Variants in VWA8 observed in about 807,000 individuals in gnomAD.
VWA8 encodes von Willebrand factor A domain containing 8.
Under a neutral mutation model 241.5 loss-of-function variants are expected in VWA8, and 221 were observed. That is an observed-to-expected ratio of 0.91 (90% CI 0.82 to 1.02). The LOEUF (loss-of-function observed/expected upper bound fraction) is 1.02, where lower values mean the gene tolerates loss of function less well. VWA8 is among the 50% of genes least tolerant of loss of function. The pLI is 0.00. For synonymous variants in VWA8, 852 were observed against 827.1 expected, an observed-to-expected ratio of 1.03 and a Z score of -0.52; for missense variants, 2,322 against 2,328.7, an observed-to-expected ratio of 1.00 and a Z score of 0.06.
intron 42 of VWA8, among the ~76,000 whole-genome samples, chr13:41,583,954 A>G (rs1268494516): frequency 2.6e-5 from 4 of 152,218 alleles, no homozygotes; most frequent in Admixed American, 2.6e-4. Context: ...GAAGTTTTTT[A>G]GAGAATGTCC....
At chr13:41,911,062 CTTTTTTTTTTT>C (rs5803108) in intron 3 of VWA8, among the ~76,000 whole-genome samples, 1 of 97,980 alleles carries the variant, frequency 1.0e-5, no homozygotes, top group East Asian at 3.5e-4. Flanking sequence ...CATTTTCTTT[CTTTTTTTTTTT>C]TTTTTTTTGA....
intron 12 of VWA8, among the ~76,000 whole-genome samples, chr13:41,842,449 A>G (rs919526734): frequency 6.6e-6 from 1 of 152,208 alleles, no homozygotes; most frequent in Non-Finnish European, 1.5e-5. Flanking sequence ...CAAGCCTACT[A>G]TGTTGATTTC....
chr13:41,958,216 CTT>C (rs2138175439), intron 1 of VWA8, among the ~76,000 whole-genome samples: 3 of 152,282 alleles, frequency 2.0e-5, no homozygotes, highest in African/African-American at 7.2e-5. Context: ...GCTTATCAGG[CTT>C]AACAAAGGTC....
intron 21 of VWA8, among the ~76,000 whole-genome samples, chr13:41,745,157 T>C (rs531168542): frequency 1.5e-3 from 227 of 152,108 alleles, no homozygotes; most frequent in African/African-American, 5.2e-3. Flanking sequence ...TTTTTAATTA[T>C]ACTTTAAGTT....
chr13:41,739,541 G>GA (rs2045550284), intron 21 of VWA8, among the ~76,000 whole-genome samples: 1 of 152,054 alleles, frequency 6.6e-6, no homozygotes, highest in South Asian at 2.1e-4. Context: ...TCATCAAACA[G>GA]AAAAAATTCC....
chr13:41,866,463 A>G (rs1422499849), intron 10 of VWA8, among the ~76,000 whole-genome samples: 1 of 151,850 alleles, frequency 6.6e-6, no homozygotes, highest in Non-Finnish European at 1.5e-5. Context: ...AGTAACTTAA[A>G]GTATATAACT....
chr13:41,770,302 G>T (rs183133489), intron 20 of VWA8, among the ~76,000 whole-genome samples: 1 of 151,962 alleles, frequency 6.6e-6, no homozygotes. Context: ...TTAGCCAGGC[G>T]CGGTGGCGGG....
rs376540264 is a variant in VWA8 at position 41,943,749 on chromosome 13, G to T, written c.241+6187C>A. On this transcript the variant is annotated intron_variant, in intron 2 of 44. Transcript: ENST00000379310. Reference sequence around the variant, plus strand: ...TACTTCACAAAAGTAGAAATACAAAGGGCCAATAAGCACAGAAAAATATCT... The same window carrying T: ...TACTTCACAAAAGTAGAAATACAAATGGCCAATAAGCACAGAAAAATATCT... Among the ~76,000 whole-genome samples the T allele has an allele frequency of 1.7e-3, 259 of 152,086 alleles. 2 individuals are homozygous for T. The highest frequency in any genetic ancestry group is 5.7e-3 in the African/African-American group (238 of 41,494).
intron 2 of VWA8, among the ~76,000 whole-genome samples, chr13:41,920,144 C>T (rs554871818): frequency 2.5e-4 from 38 of 152,286 alleles, no homozygotes; most frequent in Middle Eastern, 3.4e-3. Context: ...TGCTGAGTGT[C>T]ACCATCCCAG....
chr13:41,658,748 C>T (rs2044927482), intron 37 of VWA8, among the ~76,000 whole-genome samples: 1 of 152,226 alleles, frequency 6.6e-6, no homozygotes, highest in African/African-American at 2.4e-5. Flanking sequence ...CTTCTAAACA[C>T]AGCCAATGCT....
chr13:41,740,459 T>C (rs1009251945), intron 21 of VWA8, among the ~76,000 whole-genome samples: 2 of 152,192 alleles, frequency 1.3e-5, no homozygotes, highest in African/African-American at 4.8e-5. Flanking sequence ...GGAAACTGGG[T>C]TGAACTGAAG....
At chr13:41,683,292 AAAAT>A (rs1353198212) in intron 35 of VWA8, among the ~76,000 whole-genome samples, 11 of 152,180 alleles carry the variant, frequency 7.2e-5, no homozygotes, top group South Asian at 2.1e-4. Context: ...CATAACATAA[AAAAT>A]AAATAAATAA....
At chr13:41,885,092 A>G in intron 8 of VWA8, among the ~76,000 whole-genome samples, 1 of 152,224 alleles carries the variant, frequency 6.6e-6, no homozygotes, top group African/African-American at 2.4e-5. Flanking sequence ...TCACATTCAT[A>G]GCCCACCAAC....
At chr13:41,885,610 C>G (rs575536521) in intron 8 of VWA8, among the ~76,000 whole-genome samples, 1 of 152,200 alleles carries the variant, frequency 6.6e-6, no homozygotes, top group East Asian at 1.9e-4. Context: ...CAGGTAAGGA[C>G]AGCTCTGAGG....
intron 26 of VWA8, among the ~76,000 whole-genome samples, chr13:41,713,007 T>C (rs1337387765): frequency 6.6e-6 from 1 of 152,244 alleles, no homozygotes; most frequent in Non-Finnish European, 1.5e-5. Context: ...AACTTACTTA[T>C]GCATTGGTAG....
chr13:41,932,297 A>G (rs973189329), intron 2 of VWA8, among the ~76,000 whole-genome samples: 15 of 152,242 alleles, frequency 9.9e-5, no homozygotes, highest in African/African-American at 3.1e-4. Context: ...TATATCTATG[A>G]AAGAAACTGA....
At chr13:41,881,638 G>A (rs1180967416) in intron 9 of VWA8, among the ~76,000 whole-genome samples, 40 of 151,274 alleles carry the variant, frequency 2.6e-4, no homozygotes, top group African/African-American at 7.0e-4. Flanking sequence ...CAGTAGGGGC[G>A]GCTGGGCAGA....
intron 1 of VWA8, among the ~76,000 whole-genome samples, chr13:41,951,682 T>C (rs1314123517): frequency 6.6e-6 from 1 of 152,210 alleles, no homozygotes; most frequent in African/African-American, 2.4e-5. Context: ...AAAACTCATC[T>C]TTCAGCACTG....
At chr13:41,871,012 C>G (rs1381931304) in intron 9 of VWA8, among the ~76,000 whole-genome samples, 2 of 152,164 alleles carry the variant, frequency 1.3e-5, no homozygotes, top group Non-Finnish European at 2.9e-5. Flanking sequence ...CTATCTCCAA[C>G]TCCATCATTT....
Sources: gnomAD v4.1 joint callset for allele counts (sites outside exome capture counted in the v4.1 genomes callset) on GRCh38, gnomAD v4.1.1 for gene constraint, MANE v1.5 for transcripts, NCBI Gene and HGNC (gene_info 2026-07-23, HGNC 2026-07-21) for gene names.